TTLL13: variants seen among roughly 807,000 people sequenced by gnomAD.
The protein encoded by TTLL13 is tubulin polyglutamylase TTLL13.
chr15:90,253,354 T>C, the TTLL13 span: 1 of 1,612,528 alleles, frequency 6.2e-7, no homozygotes, highest in Non-Finnish European at 8.5e-7. Context: ...GTCATGGACA[T>C]GAAGAGGTTT....
At chr15:90,253,200 C>T in the TTLL13 span, 1 of 1,502,708 alleles carries the variant, frequency 6.7e-7, no homozygotes, top group Non-Finnish European at 9.2e-7. Flanking sequence ...AGTTCCAGGG[C>T]TTGTTGCTGG....
chr15:90,261,374 C>A, the TTLL13 span, among the ~76,000 whole-genome samples: 3 of 135,664 alleles, frequency 2.2e-5, no homozygotes, highest in African/African-American at 8.1e-5. Flanking sequence ...CCACCATGCC[C>A]GGCCACTTTT....
chr15:90,252,935 G>A, the TTLL13 span, among the ~76,000 whole-genome samples: 1 of 152,132 alleles, frequency 6.6e-6, no homozygotes, highest in African/African-American at 2.4e-5. Context: ...CCTGGGAGGC[G>A]GAGGTTGCAG....
chr15:90,263,227 A>C, the TTLL13 span: 1 of 1,286,686 alleles, frequency 7.8e-7, no homozygotes, highest in Non-Finnish European at 1.0e-6. Flanking sequence ...TCAACAAAGG[A>C]GGCTTGTGTG....
At chr15:90,253,471 C>A in the TTLL13 span, 1 of 711,094 alleles carries the variant, frequency 1.4e-6, no homozygotes, top group Non-Finnish European at 2.3e-6. Context: ...TGTGGCTGTC[C>A]CCTTGTGCAG....
chr15:90,262,974 G>A, the TTLL13 span: 35 of 1,535,438 alleles, frequency 2.3e-5, no homozygotes, highest in East Asian at 7.3e-5. Flanking sequence ...AGCTGCTGCC[G>A]GGACAGCTGG....
At chr15:90,257,349 G>A in the TTLL13 span, 1 of 1,540,678 alleles carries the variant, frequency 6.5e-7, no homozygotes, top group Non-Finnish European at 8.7e-7. Context: ...GAGAAACATG[G>A]TAGAGAGGTT....
the TTLL13 span, chr15:90,257,867 A>G: frequency 3.2e-6 from 3 of 942,296 alleles, no homozygotes; most frequent in East Asian, 2.6e-5. Context: ...TGCACTTTGG[A>G]GCTCTAAGTG....
At chr15:90,265,170 A>G in the TTLL13 span, 1 of 1,274,496 alleles carries the variant, frequency 7.8e-7, no homozygotes, top group Non-Finnish European at 1.0e-6. Context: ...AAAGACTAGA[A>G]GATGAAGAGG....
At chr15:90,264,989 C>T in the TTLL13 span, 1 of 1,525,632 alleles carries the variant, frequency 6.6e-7, no homozygotes, top group Non-Finnish European at 8.8e-7. Flanking sequence ...AAGCACTCTA[C>T]CTCTCCTGGA....
chr15:90,262,030 T>C, the TTLL13 span: 12,766 of 1,535,124 alleles, frequency 8.3e-3, 709 homozygotes, highest in African/African-American at 0.14. Context: ...AGTCATCCCA[T>C]GTGGCAATGC....
chr15:90,258,547 G>A, the TTLL13 span: 1 of 618,232 alleles, frequency 1.6e-6, no homozygotes, highest in Non-Finnish European at 2.8e-6. Flanking sequence ...AGGCAGGCCA[G>A]CTGATTTGCT....
the TTLL13 span, chr15:90,258,723 A>G: frequency 6.2e-7 from 1 of 1,610,430 alleles, no homozygotes; most frequent in Admixed American, 1.7e-5. Flanking sequence ...AAAGGGGTGT[A>G]TAATGACTCC....
chr15:90,257,192 TC>T, the TTLL13 span: 1 of 1,614,022 alleles, frequency 6.2e-7, no homozygotes, highest in Non-Finnish European at 8.5e-7. Context: ...CCTGATCACA[TC>T]CTGTGACCCT....
chr15:90,251,700 C>G, the TTLL13 span: 1 of 1,341,490 alleles, frequency 7.5e-7, no homozygotes, highest in Admixed American at 1.7e-5. Flanking sequence ...CCCCTGGGGC[C>G]TGGCGGGCTT....
chr15:90,265,327 C>A, the TTLL13 span: 1 of 1,221,558 alleles, frequency 8.2e-7, no homozygotes, highest in South Asian at 1.9e-5. Context: ...GCCGAGTGCC[C>A]AAGGCACTGG....
the TTLL13 span, among the ~76,000 whole-genome samples, chr15:90,254,362 G>A: frequency 2.6e-5 from 4 of 151,020 alleles, no homozygotes; most frequent in East Asian, 7.8e-4. Flanking sequence ...GCATGGTGGC[G>A]CACACTTGTA....
the TTLL13 span, among the ~76,000 whole-genome samples, chr15:90,259,530 G>A: frequency 6.6e-6 from 1 of 152,154 alleles, no homozygotes; most frequent in African/African-American, 2.4e-5. Context: ...TATGTATATA[G>A]TACGCATTTA....
the TTLL13 span, chr15:90,255,890 G>C: frequency 6.2e-7 from 1 of 1,614,216 alleles, no homozygotes; most frequent in Middle Eastern, 1.6e-4. Flanking sequence ...CGCAGAGTGA[G>C]TGGGTCTGGC....
Sources: allele counts gnomAD v4.1 joint callset (sites outside exome capture counted in the v4.1 genomes callset), GRCh38; gene constraint gnomAD v4.1.1; transcripts MANE v1.5; gene names NCBI Gene and HGNC (gene_info 2026-07-23, HGNC 2026-07-21).